The following CEP89 variants were observed in gnomAD, a reference collection of about 807,000 sequenced individuals.
CEP89 encodes the protein centrosomal protein of 89 kDa.
A neutral mutation model predicts 97.6 loss-of-function variants in CEP89; 95 were observed. The ratio of observed to expected loss-of-function variants is 0.97; its 90% CI spans 0.82 to 1.15. The LOEUF is 1.15. CEP89 is among the 50% of genes most tolerant of loss of function. The pLI is 0.00. For synonymous variants in CEP89, 354 were observed against 349.1 expected (o/e 1.01, Z -0.16); for missense variants, 869 against 947.7 (o/e 0.92, Z 1.09).
intron 14 of CEP89, among the ~76,000 whole-genome samples, chr19:32,907,219 C>T (rs183311932): frequency 7.4e-4 from 112 of 152,168 alleles, no homozygotes; most frequent in African/African-American, 2.4e-3. Flanking sequence ...TAATTAGCCC[C>T]GCACGATGGC....
chr19:32,906,516 TATC>T (rs1969890321), intron 14 of CEP89, among the ~76,000 whole-genome samples: 1 of 152,082 alleles, frequency 6.6e-6, no homozygotes, highest in African/African-American at 2.4e-5. Context: ...CCAAAGATAT[TATC>T]ATTTTATAGA....
chr19:32,935,936 G>C (rs916012228), intron 7 of CEP89, among the ~76,000 whole-genome samples: 1 of 152,178 alleles, frequency 6.6e-6, no homozygotes, highest in African/African-American at 2.4e-5. Context: ...CAGAGGTATG[G>C]TCAGGGCTGC....
chr19:32,966,125 T>C (rs1971278017), intron 2 of CEP89: 1 of 382,864 alleles, frequency 2.6e-6, no homozygotes, highest in Non-Finnish European at 4.6e-6. Flanking sequence ...CTCATTGCAT[T>C]CAATCATGAA....
At chr19:32,958,885 C>T (rs1971105852) in intron 3 of CEP89, among the ~76,000 whole-genome samples, 1 of 151,592 alleles carries the variant, frequency 6.6e-6, no homozygotes, top group Non-Finnish European at 1.5e-5. Context: ...GGTGTGGTGG[C>T]GTGTGCCTGT....
At chr19:32,971,119 G>T (rs1214508616) in intron 1 of CEP89, 1 of 176,162 alleles carries the variant, frequency 5.7e-6, no homozygotes, top group African/African-American at 2.4e-5. Context: ...AGAGAAACCA[G>T]TGAGGATCTG....
Position 32,901,306 on chromosome 19 carries a change from T to C in CEP89, c.1672A>G (p.Ser558Gly), listed in dbSNP as rs778219369. The C allele has an allele frequency of 2.5e-6, 4 of 1,614,236 alleles. No homozygotes were observed. In the South Asian group the frequency reaches 4.4e-5, roughly 18 times the overall value. The change falls in exon 15 of 19, where the codon AGT (serine) becomes GGT (glycine). Residue 558 changes from serine to glycine, a missense_variant. Coordinates refer to ENST00000305768, the MANE Select transcript of CEP89 (RefSeq NM_032816.5). ...QKKSLLLEKNSLTEQNKALEA... is the reference protein window; with the variant it reads ...QKKSLLLEKNGLTEQNKALEA... ...AGTGCTTTGTTTTGCTCTGTCAAAC[T>C]GTTCTTCTCTAACAGCAGGCTCTTC...
intron 18 of CEP89, among the ~76,000 whole-genome samples, chr19:32,880,559 A>G (rs1329592533): frequency 6.6e-6 from 1 of 151,244 alleles, no homozygotes; most frequent in Non-Finnish European, 1.5e-5. Flanking sequence ...GGATGACTTG[A>G]GCCCAGAAAT....
At chr19:32,951,528 TATATATAC>T (rs1164555090) in intron 4 of CEP89, among the ~76,000 whole-genome samples, 8 of 94,246 alleles carry the variant, frequency 8.5e-5, no homozygotes, top group Non-Finnish European at 1.5e-4. Flanking sequence ...TATATATATA[TATATATAC>T]ACACACACAC....
intron 16 of CEP89, among the ~76,000 whole-genome samples, chr19:32,892,694 A>T (rs1239083040): frequency 7.0e-6 from 1 of 142,280 alleles, no homozygotes; most frequent in African/African-American, 2.6e-5. Flanking sequence ...AAAAAAAAAA[A>T]CCTGTCAGCC....
intron 17 of CEP89, among the ~76,000 whole-genome samples, chr19:32,887,269 G>A (rs780104436): frequency 1.3e-5 from 2 of 151,658 alleles, no homozygotes; most frequent in Non-Finnish European, 2.9e-5. Flanking sequence ...CCAGGCTGGA[G>A]TACAGTGGTG....
At chr19:32,941,852 A>G (rs1002292390) in intron 5 of CEP89, among the ~76,000 whole-genome samples, 5 of 152,216 alleles carry the variant, frequency 3.3e-5, no homozygotes, top group African/African-American at 9.6e-5. Context: ...TGGCTCTATC[A>G]TCTCTGACAC....
In CEP89 at chr19:32,878,101, A is replaced by G. The variant is rs1969203860; in HGVS notation, c.*1061T>C. On this transcript the variant is annotated 3_prime_UTR_variant, in exon 19 of 19. Coordinates refer to ENST00000305768, the MANE Select transcript of CEP89 (RefSeq NM_032816.5). ...GGCCTACAAAAATTTTTTTTTTACA[A>G]AATTAGCCAGGCATGTTAGTGTATA... 1 of 151,968 alleles carries G rather than the reference A, an allele frequency of 6.6e-6. No homozygotes were observed. Among genetic ancestry groups the G allele is most frequent in the African/African-American group, 2.4e-5 (1 of 41,340 alleles). 9.4% of individuals were successfully genotyped at this position (151,968 alleles called of 1,614,324 possible).
chr19:32,915,710 G>C (rs1970111626), intron 13 of CEP89, among the ~76,000 whole-genome samples, 193 bp from the exon 14 acceptor site: 1 of 151,916 alleles, frequency 6.6e-6, no homozygotes, highest in Admixed American at 6.6e-5. Flanking sequence ...CACGAGGTCA[G>C]GAGTTCAAGA....
intron 5 of CEP89, 84 bp downstream of exon 5, chr19:32,948,182 G>T: frequency 1.5e-6 from 1 of 681,048 alleles, no homozygotes; most frequent in Non-Finnish European, 2.5e-6. Flanking sequence ...AAGGGGCAAT[G>T]GGTATGTTTT....
At chr19:32,894,404 C>A (rs1969596108) in intron 16 of CEP89, among the ~76,000 whole-genome samples, 1 of 152,080 alleles carries the variant, frequency 6.6e-6, no homozygotes, top group South Asian at 2.1e-4. Flanking sequence ...TCCTGATACC[C>A]AATATGGCCT....
chr19:32,937,457 T>A, intron 7 of CEP89, 174 bp downstream of exon 7: 5 of 573,118 alleles, frequency 8.7e-6, no homozygotes, highest in Admixed American at 3.1e-5. Context: ...AAGCACATCC[T>A]GTATGGACAT....
intron 5 of CEP89, among the ~76,000 whole-genome samples, chr19:32,942,236 T>A (rs528242582): frequency 6.6e-6 from 1 of 151,806 alleles, no homozygotes; most frequent in Non-Finnish European, 1.5e-5. Context: ...ACCAAATTAG[T>A]CGGGTGCAGT....
At chr19:32,952,573 C>T (rs1568577377) in intron 4 of CEP89, among the ~76,000 whole-genome samples, 2 of 151,596 alleles carry the variant, frequency 1.3e-5, no homozygotes, top group African/African-American at 2.4e-5. Context: ...TCTATATGTA[C>T]AGACACTATG....
At chr19:32,915,636 T>G in intron 13 of CEP89, 119 bp from the exon 14 acceptor site, 4 of 959,732 alleles carry the variant, frequency 4.2e-6, no homozygotes, top group Non-Finnish European at 6.2e-6. Context: ...TAAAGATCTT[T>G]TGAGCCAGAC....
Sources: gnomAD v4.1 joint callset for allele counts (sites outside exome capture counted in the v4.1 genomes callset) on GRCh38, gnomAD v4.1.1 for gene constraint, MANE v1.5 for transcripts, NCBI Gene and HGNC (gene_info 2026-07-23, HGNC 2026-07-21) for gene names.